The following MRPS5 variants were observed in gnomAD, a reference collection of about 807,000 sequenced individuals.
MRPS5 encodes mitochondrial ribosomal protein S5.
MRPS5 carries 27 observed loss-of-function variants against 51.9 expected under a neutral mutation model. That is an observed-to-expected ratio of 0.52 (90% CI 0.38 to 0.72). The LOEUF (loss-of-function observed/expected upper bound fraction) is 0.72. Ranked by LOEUF, MRPS5 falls within the 30% of genes least tolerant of loss-of-function variation. MRPS5 has a pLI of 0.00. For missense variants in MRPS5, 570 were observed against 545.7 expected, an observed-to-expected ratio of 1.04 and a Z score of -0.44; for synonymous variants, 196 against 193.2, an observed-to-expected ratio of 1.01 and a Z score of -0.12.
In MRPS5 at chr2:95,108,252, A is replaced by T. The variant is rs1458032110; in HGVS notation, c.560T>A (p.Val187Asp). The T allele has an allele frequency of 6.2e-7, 1 of 1,613,870 alleles. No individual in the cohort carries two copies. The highest frequency in any genetic ancestry group is 1.7e-5 in the Admixed American group (1 of 59,976). ...TCCACTCCATCCTCGCTCCCGTTTA[A>T]CCTTCATCTTCTTCTTTCGGTCCCA... ...EEWDRKKKMKVKRERGWSGNS... is the reference protein window; with the variant it reads ...EEWDRKKKMKDKRERGWSGNS... Residue 187 changes from valine (V) to aspartate (D), a missense_variant, in exon 5 of 12, where the codon GTT becomes GAT. Val to Asp is a radical substitution (Grantham distance 152). Transcript: ENST00000272418.
intron 7 of MRPS5, chr2:95,104,389 T>C (rs1675888643): frequency 3.9e-6 from 2 of 506,772 alleles, no homozygotes; most frequent in Admixed American, 6.5e-5. Context: ...CATAATAAAA[T>C]AATGTCTTCA....
intron 2 of MRPS5, 74 bp downstream of exon 2, chr2:95,117,791 T>C (rs2104431095): frequency 5.5e-6 from 7 of 1,269,002 alleles, no homozygotes; most frequent in African/African-American, 1.5e-5. Flanking sequence ...TGATTACTTA[T>C]ATTTTTTAAA....
chr2:95,115,243 C>T (rs1244792811), intron 2 of MRPS5, 40 bp from the exon 3 acceptor site: 1 of 1,464,818 alleles, frequency 6.8e-7, no homozygotes, highest in Non-Finnish European at 9.1e-7. Context: ...AGATGTTTCA[C>T]AGCTGTGGAA....
At chr2:95,115,251 G>C in intron 2 of MRPS5, 48 bp from the exon 3 acceptor site, 1 of 1,425,014 alleles carries the variant, frequency 7.0e-7, no homozygotes. Context: ...CACAGCTGTG[G>C]AAAAACACTG....
intron 10 of MRPS5, among the ~76,000 whole-genome samples, chr2:95,098,676 G>GT (rs1675701351): frequency 1.5e-5 from 2 of 133,290 alleles, no homozygotes; most frequent in African/African-American, 5.0e-5. Flanking sequence ...ATCACACACT[G>GT]GGGCCTGTGG....
At chr2:95,100,570 G>C (rs759265324) in intron 9 of MRPS5, 34 bp from the exon 10 acceptor site, 20 of 1,504,692 alleles carry the variant, frequency 1.3e-5, no homozygotes, top group East Asian at 2.3e-5. Context: ...AAGAGGATTA[G>C]GTGTGTGGCT....
chr2:95,087,839 C>G (rs1293024140), intron 11 of MRPS5, among the ~76,000 whole-genome samples: 1 of 152,170 alleles, frequency 6.6e-6, no homozygotes, highest in Non-Finnish European at 1.5e-5. Flanking sequence ...CTTCTAAACC[C>G]TCCTGATTAT....
chr2:95,111,431 C>T (rs1001992808), intron 3 of MRPS5, among the ~76,000 whole-genome samples: 3 of 152,058 alleles, frequency 2.0e-5, no homozygotes, highest in Admixed American at 6.6e-5. Flanking sequence ...CCTTAAATCA[C>T]TCATTAAGAT....
rs548739848 is a variant in MRPS5 at position 95,087,215 on chromosome 2, A to G, written c.*142T>C. 3 of 614,770 alleles carry G rather than the reference A, an allele frequency of 4.9e-6. No individual in the cohort carries two copies. Among genetic ancestry groups the G allele is most frequent in the African/African-American group, 3.7e-5 (2 of 54,266 alleles). 38.1% of individuals were successfully genotyped at this position (614,770 alleles called of 1,614,324 possible). On this transcript the variant is annotated 3_prime_UTR_variant, in exon 12 of 12. Coordinates refer to ENST00000272418, the MANE Select transcript of MRPS5 (RefSeq NM_031902.5). ...AACATGTGCTCAACAAATGAAAGCT[A>G]TAATTATTTATTTCCAAAGAGTTTA... is the stretch of plus-strand genomic sequence containing the variant.
intron 10 of MRPS5, chr2:95,092,649 AC>A (rs1675502389): frequency 6.6e-6 from 1 of 152,238 alleles, no homozygotes; most frequent in African/African-American, 2.4e-5. Flanking sequence ...TCATACAAAA[AC>A]CTGAAAAATA....
At chr2:95,107,714 G>A (rs1331930186) in intron 5 of MRPS5, among the ~76,000 whole-genome samples, 1 of 152,192 alleles carries the variant, frequency 6.6e-6, no homozygotes, top group Non-Finnish European at 1.5e-5. Flanking sequence ...AGGGCTGGGG[G>A]AAACTTTGTT....
chr2:95,120,396 T>C (rs1214119367), intron 1 of MRPS5, among the ~76,000 whole-genome samples: 1 of 152,168 alleles, frequency 6.6e-6, no homozygotes, highest in Non-Finnish European at 1.5e-5. Context: ...ACAGGCAAGC[T>C]ACAGAGAGAG....
rs1458914657 is a variant in MRPS5 at position 95,106,416 on chromosome 2, T to A, written c.672+7A>T. On this transcript the variant is annotated splice_region_variant and intron_variant, in intron 6 of 11. Coordinates refer to ENST00000272418, the MANE Select transcript of MRPS5 (RefSeq NM_031902.5). ...GCTTAACCAGGTATTTAATTCTGCATGCCTACCTCAAGTATCCTGGTATCA... is the reference window on the plus strand; with the variant it reads ...GCTTAACCAGGTATTTAATTCTGCAAGCCTACCTCAAGTATCCTGGTATCA... 7.3e-7 allele frequency: 1 copy of A among 1,362,612 alleles called. No homozygotes were observed. Among genetic ancestry groups the A allele is most frequent in the East Asian group, 4.2e-5 (1 of 23,730 alleles). The allele number at this position is 1,362,612 out of a possible 1,614,324, so 84.4% of individuals were successfully genotyped here.
intron 10 of MRPS5, chr2:95,091,472 T>G (rs1436603876): frequency 6.6e-6 from 1 of 152,346 alleles, no homozygotes; most frequent in East Asian, 1.9e-4. Flanking sequence ...TATCCAATGC[T>G]TCCCCTGAGT....
Position 95,087,488 on chromosome 2 carries a change from G to C in MRPS5, c.1162C>G (p.Arg388Gly), listed in dbSNP as rs754559313. The change falls in exon 12 of 12, where the codon CGG (arginine) becomes GGG (glycine). Residue 388 changes from arginine (R) to glycine (G), a missense_variant. Arg to Gly is a moderately radical substitution (Grantham distance 125, BLOSUM62 -2). Transcript: ENST00000272418. ...TCTGGATCCTTCCTCAAGGGCCCCC[G>C]GGGGGACGCAACCACAATGGGCAGA... Reference protein sequence around the residue: ...GPLPIVVASPRGPLRKDPEPE... With the variant: ...GPLPIVVASPGGPLRKDPEPE... The C allele has an allele frequency of 3.7e-6, 6 of 1,614,084 alleles. No homozygotes were observed. Among genetic ancestry groups the C allele is most frequent in the Non-Finnish European group, 5.1e-6 (6 of 1,179,990 alleles).
intron 6 of MRPS5, among the ~76,000 whole-genome samples, chr2:95,105,449 C>T (rs1267811785): frequency 6.6e-6 from 1 of 151,776 alleles, no homozygotes; most frequent in Non-Finnish European, 1.5e-5. Context: ...ACTCGGGAGG[C>T]TGAGGCAGGA....
intron 2 of MRPS5, among the ~76,000 whole-genome samples, chr2:95,115,775 TAATG>T (rs1386333015): frequency 6.6e-6 from 1 of 152,236 alleles, no homozygotes; most frequent in Non-Finnish European, 1.5e-5. Context: ...TTAGCTCACT[TAATG>T]AATTAGTCAA....
chr2:95,100,817 A>G lies in MRPS5; in HGVS notation c.868+20T>C. 3 of 1,568,380 alleles carry G rather than the reference A, an allele frequency of 1.9e-6. No homozygotes were observed. Among genetic ancestry groups the G allele is most frequent in the Admixed American group, 1.9e-5 (1 of 53,090 alleles). On this transcript the variant is annotated intron_variant, in intron 9 of 11. Transcript: ENST00000272418. ...ATGTAATCCTGCAAATTAAAAAAAA[A>G]AAAATAGATTATCACTCACTTGTAT...
At chr2:95,102,046 A>G (rs1240900167) in intron 7 of MRPS5, 3 of 224,232 alleles carry the variant, frequency 1.3e-5, no homozygotes, top group South Asian at 7.8e-5. Context: ...TGTGGTCCCA[A>G]CTACTCAGGA....
Sources: gnomAD v4.1 joint callset for allele counts (sites outside exome capture counted in the v4.1 genomes callset) on GRCh38, gnomAD v4.1.1 for gene constraint, MANE v1.5 for transcripts, NCBI Gene and HGNC (gene_info 2026-07-23, HGNC 2026-07-21) for gene names.